The following ANK3 variants were observed in gnomAD, a reference collection of about 807,000 sequenced individuals.
The protein encoded by ANK3 is ankyrin 3.
ANK3 carries 57 observed loss-of-function variants against 370.9 expected under a neutral mutation model. The ratio of observed to expected loss-of-function variants is 0.15; its 90% CI spans 0.12 to 0.19. The LOEUF (loss-of-function observed/expected upper bound fraction) is 0.19. Ranked by LOEUF, ANK3 falls within the 10% of genes least tolerant of loss-of-function variation. The pLI is 1.00. For synonymous variants in ANK3, 1,929 were observed against 1,946.3 expected, an observed-to-expected ratio of 0.99 and a Z score of 0.23; for missense variants, 4,439 against 5,302.1, an observed-to-expected ratio of 0.84 and a Z score of 5.06.
chr10:60,442,181 T>G (rs1218851453), intron 2 of ANK3, among the ~76,000 whole-genome samples: 1 of 151,384 alleles, frequency 6.6e-6, no homozygotes, highest in Non-Finnish European at 1.5e-5. Flanking sequence ...CCACAACCTC[T>G]GCCTTCTGGG....
chr10:60,694,641 A>C (rs1196576637), intron 1 of ANK3, among the ~76,000 whole-genome samples: 9 of 151,964 alleles, frequency 5.9e-5, no homozygotes, highest in East Asian at 1.9e-4. Flanking sequence ...CATATCCAGC[A>C]AAACTAAGCT....
intron 1 of ANK3, among the ~76,000 whole-genome samples, chr10:60,679,873 T>C (rs2079171764): frequency 6.6e-6 from 1 of 152,054 alleles, no homozygotes. Context: ...TGGTGGCTCA[T>C]GCATGTAATC....
intron 7 of ANK3, among the ~76,000 whole-genome samples, chr10:60,245,178 AAAC>A (rs1269720354): frequency 6.6e-6 from 1 of 151,856 alleles, no homozygotes; most frequent in Non-Finnish European, 1.5e-5. Flanking sequence ...AAAAAACAAA[AAAC>A]AAAAAAAAAA....
At chr10:60,152,570 T>G (rs897264789) in intron 23 of ANK3, among the ~76,000 whole-genome samples, 1 of 152,224 alleles carries the variant, frequency 6.6e-6, no homozygotes, top group Non-Finnish European at 1.5e-5. Flanking sequence ...GGCAAACTAC[T>G]GAAATTACTC....
At chr10:60,052,435 G>A (rs192587644) in intron 42 of ANK3, among the ~76,000 whole-genome samples, 82 of 152,222 alleles carry the variant, frequency 5.4e-4, no homozygotes, top group African/African-American at 1.9e-3. Flanking sequence ...CACATAACTG[G>A]TACTGAGAAA....
At chr10:60,183,858 CAAAA>C (rs35653342) in intron 17 of ANK3, among the ~76,000 whole-genome samples, 1 of 110,268 alleles carries the variant, frequency 9.1e-6, no homozygotes. Context: ...AATTCTGTCT[CAAAA>C]AAAAAAAAAA....
intron 23 of ANK3, among the ~76,000 whole-genome samples, chr10:60,157,335 C>CCTTT (rs1256172341): frequency 8.3e-6 from 1 of 121,110 alleles, no homozygotes; most frequent in African/African-American, 3.0e-5. Flanking sequence ...CTGTGCCCGG[C>CCTTT]TTTTTTTTTT....
chr10:60,300,717 T>C (rs2043509724), intron 1 of ANK3, among the ~76,000 whole-genome samples: 1 of 152,080 alleles, frequency 6.6e-6, no homozygotes, highest in Non-Finnish European at 1.5e-5. Flanking sequence ...AGACCAGCTT[T>C]TGTCATTCTG....
chr10:60,251,157 C>A (rs1162370532), intron 7 of ANK3, among the ~76,000 whole-genome samples: 2 of 152,204 alleles, frequency 1.3e-5, no homozygotes, highest in Non-Finnish European at 2.9e-5. Flanking sequence ...CCCAGTGATA[C>A]ATGAAAGCTA....
chr10:60,314,715 C>T (rs565029469), intron 1 of ANK3, among the ~76,000 whole-genome samples: 80 of 152,250 alleles, frequency 5.3e-4, no homozygotes, highest in African/African-American at 1.8e-3. Flanking sequence ...AAACTCCATT[C>T]GAGGAGGACA....
intron 2 of ANK3, among the ~76,000 whole-genome samples, chr10:60,492,165 A>G (rs2075524562): frequency 6.6e-6 from 1 of 152,182 alleles, no homozygotes; most frequent in Non-Finnish European, 1.5e-5. Context: ...AGGCTATACC[A>G]TCTAGCTTTG....
intron 2 of ANK3, among the ~76,000 whole-genome samples, chr10:60,549,172 C>CAT (rs1003254256): frequency 6.7e-6 from 1 of 149,412 alleles, no homozygotes; most frequent in African/African-American, 2.4e-5. Flanking sequence ...CACACACACA[C>CAT]ACATACCATC....
chr10:60,409,039 A>G (rs1229840316), intron 2 of ANK3, among the ~76,000 whole-genome samples: 1 of 152,226 alleles, frequency 6.6e-6, no homozygotes, highest in Non-Finnish European at 1.5e-5. Flanking sequence ...CGATGTCAAT[A>G]TATCTGGGAA....
At chr10:60,366,388 C>T (rs990716696) in intron 1 of ANK3, among the ~76,000 whole-genome samples, 5 of 152,160 alleles carry the variant, frequency 3.3e-5, no homozygotes, top group African/African-American at 1.2e-4. Context: ...TAAAGCCCAA[C>T]TGCTCTTTCT....
Position 60,145,914 on chromosome 10 carries a change from TTGC to T in ANK3, c.2615-6830_2615-6828del, listed in dbSNP as rs1590803204. The T allele has an allele frequency of 5.7e-6, 4 of 707,826 alleles. No individual in the cohort carries two copies. The East Asian group carries it at 1.1e-4, about 19-fold the overall frequency. The allele number at this position is 707,826 out of a possible 1,614,324, so 43.8% of individuals were successfully genotyped here. ...TGTGGAATGAATGAAAGAGCAGTGA[TTGC>T]CTTTCAAAATGGGAACTATATTTAC... is the stretch of plus-strand genomic sequence containing the variant. On this transcript the variant is annotated intron_variant, in intron 23 of 43. Coordinates refer to ENST00000280772, the MANE Select transcript of ANK3 (RefSeq NM_020987.5).
chr10:60,529,757 T>C (rs1025540437), intron 2 of ANK3, among the ~76,000 whole-genome samples: 2 of 152,202 alleles, frequency 1.3e-5, no homozygotes, highest in African/African-American at 4.8e-5. Context: ...ATATAGCATT[T>C]AGACATTACA....
At chr10:60,520,716 G>T (rs558431203) in intron 2 of ANK3, among the ~76,000 whole-genome samples, 1 of 152,030 alleles carries the variant, frequency 6.6e-6, no homozygotes, top group Non-Finnish European at 1.5e-5. Context: ...ACTTACTATG[G>T]TGTTTCTGCC....
Position 60,717,230 on chromosome 10 carries a change from T to C in ANK3, c.57+16033A>G, listed in dbSNP as rs147612812. Among the ~76,000 whole-genome samples the C allele has an allele frequency of 7.0e-4, 107 of 152,286 alleles. 6 individuals are homozygous for C. In the East Asian group the frequency reaches 0.019, roughly 27 times the overall value. On this transcript the variant is annotated intron_variant, in intron 1 of 43. Transcript: ENST00000373827. Reference sequence around the variant, plus strand: ...TTCTACACTGTGAGATGTAAATTGGTATAACCTATTAGAAGGAAGAAGTAG... The same window carrying C: ...TTCTACACTGTGAGATGTAAATTGGCATAACCTATTAGAAGGAAGAAGTAG...
intron 1 of ANK3, among the ~76,000 whole-genome samples, chr10:60,330,830 G>C (rs1459469706): frequency 6.6e-6 from 1 of 151,990 alleles, no homozygotes; most frequent in African/African-American, 2.4e-5. Flanking sequence ...TGTTTATTGC[G>C]GCACTGTTCA....
Sources: allele counts gnomAD v4.1 joint callset (sites outside exome capture counted in the v4.1 genomes callset), GRCh38; gene constraint gnomAD v4.1.1; transcripts MANE v1.5; gene names NCBI Gene and HGNC (gene_info 2026-07-23, HGNC 2026-07-21).